The following IQCM variants were observed in gnomAD, a reference collection of about 807,000 sequenced individuals.
The protein encoded by IQCM is IQ domain-containing protein M.
IQCM carries 45 observed loss-of-function variants against 57.6 expected under a neutral mutation model. That is an observed-to-expected ratio of 0.78 (90% CI 0.62 to 1.00). The LOEUF is 1.00. Among genes scored for constraint, IQCM ranks in the 50% least tolerant of loss-of-function variants. The probability of loss-of-function intolerance (pLI) is 0.00; values close to 1 mark genes in which losing one functional copy is unlikely to be tolerated. For missense variants in IQCM, 468 were observed against 511.6 expected (o/e 0.91, Z 0.82); for synonymous variants, 148 against 158.9 (o/e 0.93, Z 0.51).
chr4:149,811,623 C>T (rs533740146), intron 2 of IQCM, among the ~76,000 whole-genome samples: 3 of 152,278 alleles, frequency 2.0e-5, no homozygotes, highest in African/African-American at 7.2e-5. Flanking sequence ...CTCTGCCCCA[C>T]TCCCAGGTAT....
intron 13 of IQCM, among the ~76,000 whole-genome samples, chr4:149,404,497 T>C (rs2111145002): frequency 6.6e-6 from 1 of 152,204 alleles, no homozygotes. Flanking sequence ...CTAAAAACTT[T>C]GCAATACACA....
At position 149,432,056 on chromosome 4, in the gene IQCM, T is replaced by G. The variant is rs1369904600; in HGVS notation, c.1390+1340A>C. Among the ~76,000 whole-genome samples, 3 of 151,514 alleles carry G rather than the reference T, an allele frequency of 2.0e-5. No homozygotes were observed. The East Asian group carries it at 5.8e-4, about 29-fold the overall frequency. On this transcript the variant is annotated intron_variant, in intron 13 of 13. Transcript: ENST00000636793. ...TGCTTTGTGTAAATAAATGTTTTCT[T>G]TTATTTTGGGTAATTACCTAGGAAA...
At chr4:149,567,129 A>G (rs1398043133) in intron 9 of IQCM, among the ~76,000 whole-genome samples, 1 of 152,128 alleles carries the variant, frequency 6.6e-6, no homozygotes, top group Non-Finnish European at 1.5e-5. Context: ...TCCTTTTATC[A>G]CATAAGTATT....
At chr4:149,352,494 G>A (rs191333314) in intron 13 of IQCM, among the ~76,000 whole-genome samples, 72 of 152,222 alleles carry the variant, frequency 4.7e-4, no homozygotes, top group Admixed American at 1.2e-3. Flanking sequence ...TACTGTATTA[G>A]GTATTACGTG....
chr4:149,638,745 A>G (rs1757933844), intron 7 of IQCM, among the ~76,000 whole-genome samples: 1 of 152,220 alleles, frequency 6.6e-6, no homozygotes, highest in Non-Finnish European at 1.5e-5. Context: ...TTATCTAAAT[A>G]GCAACTGCTG....
chr4:149,361,166 G>T (rs761563965), intron 13 of IQCM, among the ~76,000 whole-genome samples: 20 of 152,070 alleles, frequency 1.3e-4, no homozygotes, highest in Non-Finnish European at 2.9e-4. Flanking sequence ...GATGATTTAG[G>T]GTATCCGGTG....
intron 7 of IQCM, among the ~76,000 whole-genome samples, chr4:149,650,258 C>A (rs1455165474): frequency 6.6e-6 from 1 of 151,996 alleles, no homozygotes; most frequent in Non-Finnish European, 1.5e-5. Flanking sequence ...TTTGTGAAAG[C>A]CAGAGGCACA....
In IQCM at chr4:149,621,217, A is replaced by T; in HGVS notation, c.593T>A (p.Phe198Tyr). The change falls in exon 8 of 14, where the codon TTT becomes TAT. Residue 198 changes from phenylalanine (F) to tyrosine (Y), a missense_variant. Physicochemically the swap from Phe to Tyr is conservative, Grantham distance 22 (BLOSUM62 3). Coordinates refer to ENST00000636793, the MANE Select transcript of IQCM (RefSeq NM_001363507.2). ...PDKAFYDWRG[F>Y]VLTRSFRLAC... ...CAAACGGAAAGACCTTGTCAGCACA[A>T]ATCCTCTCCAGTCATAGAATGCTTT... 8.1e-7 allele frequency: 1 copy of T among 1,231,734 alleles called. No individual in the cohort carries two copies. The highest frequency in any genetic ancestry group is 1.0e-6 in the Non-Finnish European group (1 of 987,542). The allele number at this position is 1,231,734 out of a possible 1,614,324, so 76.3% of individuals were successfully genotyped here.
At chr4:149,652,696 G>T (rs1338573656) in intron 7 of IQCM, among the ~76,000 whole-genome samples, 1 of 151,940 alleles carries the variant, frequency 6.6e-6, no homozygotes, top group Non-Finnish European at 1.5e-5. Context: ...AGGATTGATA[G>T]ATGTGAACAA....
rs545203040 is a variant in IQCM at position 149,399,540 on chromosome 4, TA to T, written c.1390+33855del. On this transcript the variant is annotated intron_variant, in intron 13 of 13. Coordinates refer to ENST00000636793, the MANE Select transcript of IQCM (RefSeq NM_001363507.2). ...TCAAATAGCAACAAAAATGTAAATA[TA>T]AAAGACACTAAAAATAGATGAAAGG... is the stretch of plus-strand genomic sequence containing the variant. Among the ~76,000 whole-genome samples the T allele has an allele frequency of 2.8e-3, 424 of 152,174 alleles. 2 individuals carry two copies. The highest frequency in any genetic ancestry group is 9.1e-3 in the African/African-American group (378 of 41,550).
chr4:149,436,144 C>T (rs1404708923), intron 12 of IQCM, among the ~76,000 whole-genome samples: 1 of 152,032 alleles, frequency 6.6e-6, no homozygotes, highest in Admixed American at 6.6e-5. Context: ...ATGTTAAGTG[C>T]CCTATATAGG....
At chr4:149,405,718 G>A (rs1732926189) in intron 13 of IQCM, among the ~76,000 whole-genome samples, 1 of 150,944 alleles carries the variant, frequency 6.6e-6, no homozygotes, top group Non-Finnish European at 1.5e-5. Flanking sequence ...TGCAGGACAG[G>A]AATATTAAAG....
At chr4:149,379,405 C>A (rs927527543) in intron 13 of IQCM, among the ~76,000 whole-genome samples, 1 of 152,168 alleles carries the variant, frequency 6.6e-6, no homozygotes, top group Non-Finnish European at 1.5e-5. Flanking sequence ...CTGTACCCCA[C>A]AAAGCCATAG....
At chr4:149,748,838 G>T (rs1768173883) in intron 2 of IQCM, 1 of 152,086 alleles carries the variant, frequency 6.6e-6, no homozygotes, top group Admixed American at 6.6e-5. Flanking sequence ...TCGAAATACT[G>T]AATTTTAGTC....
chr4:149,516,208 G>A (rs1015253816), intron 12 of IQCM, among the ~76,000 whole-genome samples: 1 of 152,212 alleles, frequency 6.6e-6, no homozygotes, highest in Non-Finnish European at 1.5e-5. Flanking sequence ...CTGGTGGTAG[G>A]TTGATTATAT....
chr4:149,352,909 T>TA (rs1192136814), intron 13 of IQCM, among the ~76,000 whole-genome samples: 4 of 152,170 alleles, frequency 2.6e-5, no homozygotes, highest in Admixed American at 2.6e-4. Context: ...CTTTGCTGTT[T>TA]AGGTCCTATA....
chr4:149,374,104 T>A (rs763901810), intron 13 of IQCM, among the ~76,000 whole-genome samples: 9 of 152,128 alleles, frequency 5.9e-5, no homozygotes, highest in Non-Finnish European at 1.2e-4. Flanking sequence ...GATCCCCACC[T>A]GGGGTATGTT....
chr4:149,386,204 C>G (rs1011064834), intron 13 of IQCM, among the ~76,000 whole-genome samples: 1 of 152,022 alleles, frequency 6.6e-6, no homozygotes, highest in Non-Finnish European at 1.5e-5. Context: ...ATGACACCTC[C>G]AGATTGAATA....
chr4:149,592,575 G>A (rs890926013), intron 8 of IQCM, among the ~76,000 whole-genome samples: 10 of 151,804 alleles, frequency 6.6e-5, no homozygotes, highest in Non-Finnish European at 1.0e-4. Flanking sequence ...TTCTTCTAGG[G>A]TTTTTATGGT....
Sources: allele counts gnomAD v4.1 joint callset (sites outside exome capture counted in the v4.1 genomes callset), GRCh38; gene constraint gnomAD v4.1.1; transcripts MANE v1.5; gene names NCBI Gene and HGNC (gene_info 2026-07-23, HGNC 2026-07-21).